SKIC3: variants seen among roughly 807,000 people sequenced by gnomAD.
SKIC3 encodes the protein SKI3 subunit of superkiller complex, also known as superkiller complex protein 3.
At chr5:95,525,768 T>A in the SKIC3 span, 11 of 1,162,338 alleles carry the variant, frequency 9.5e-6, no homozygotes, top group East Asian at 1.2e-4. Flanking sequence ...AAAAGCATGG[T>A]CCTAATAGAA....
the SKIC3 span, chr5:95,528,128 C>T: frequency 1.9e-6 from 3 of 1,613,780 alleles, no homozygotes; most frequent in East Asian, 4.5e-5. Flanking sequence ...ACCAGACGCA[C>T]CAAGATTATC....
chr5:95,509,027 A>G, the SKIC3 span, among the ~76,000 whole-genome samples: 1 of 151,904 alleles, frequency 6.6e-6, no homozygotes, highest in East Asian at 1.9e-4. Flanking sequence ...CTCTCTCTCA[A>G]TTTCTCCACC....
At chr5:95,512,872 G>A in the SKIC3 span, 2 of 423,342 alleles carry the variant, frequency 4.7e-6, no homozygotes, top group South Asian at 5.4e-5. Flanking sequence ...CTTGCCTGAT[G>A]GGCTGGCTTT....
At chr5:95,464,429 A>T in the SKIC3 span, 1 of 544,904 alleles carries the variant, frequency 1.8e-6, no homozygotes, top group Non-Finnish European at 3.2e-6. Flanking sequence ...TCAGATTAAA[A>T]TCAGGTTTGG....
At chr5:95,520,517 A>G in the SKIC3 span, among the ~76,000 whole-genome samples, 2 of 147,146 alleles carry the variant, frequency 1.4e-5, no homozygotes, top group African/African-American at 5.1e-5. Context: ...CACTACTAAG[A>G]GCAGAAGAAA....
At chr5:95,501,704 G>GTA in the SKIC3 span, among the ~76,000 whole-genome samples, 472 of 151,584 alleles carry the variant, frequency 3.1e-3, 4 homozygotes, top group Middle Eastern at 0.01. Flanking sequence ...AAAAAAGATT[G>GTA]TATATATATA....
At chr5:95,484,911 T>C in the SKIC3 span, 6 of 1,562,276 alleles carry the variant, frequency 3.8e-6, no homozygotes, top group South Asian at 1.1e-5. Context: ...GAGGAGTAAC[T>C]GGTTGCTAAA....
At chr5:95,503,705 A>T in the SKIC3 span, 1 of 1,517,268 alleles carries the variant, frequency 6.6e-7, no homozygotes, top group Non-Finnish European at 9.1e-7. Context: ...AGATTTTAAT[A>T]AACATTGCAA....
At chr5:95,516,862 G>A in the SKIC3 span, 9 of 1,557,924 alleles carry the variant, frequency 5.8e-6, no homozygotes, top group Admixed American at 1.9e-5. Flanking sequence ...AAACAACTTC[G>A]AGAAAAGCAT....
the SKIC3 span, among the ~76,000 whole-genome samples, chr5:95,510,481 C>A: frequency 3.9e-5 from 6 of 152,178 alleles, no homozygotes; most frequent in South Asian, 1.2e-3. Context: ...AAGATTCTGA[C>A]CCTCCCCAAA....
At chr5:95,498,549 C>G in the SKIC3 span, 1 of 1,614,054 alleles carries the variant, frequency 6.2e-7, no homozygotes, top group East Asian at 2.2e-5. Context: ...CTAGAGCACA[C>G]AGGGCTTGAA....
chr5:95,553,698 TAC>T, the SKIC3 span, among the ~76,000 whole-genome samples: 11 of 152,210 alleles, frequency 7.2e-5, no homozygotes, highest in African/African-American at 2.4e-4. Flanking sequence ...TAGCTGGGAT[TAC>T]AGGCGCCCGC....
At chr5:95,491,569 A>G in the SKIC3 span, among the ~76,000 whole-genome samples, 2 of 152,196 alleles carry the variant, frequency 1.3e-5, no homozygotes, top group Non-Finnish European at 2.9e-5. Flanking sequence ...TCCCTCATTC[A>G]TTTGATCTTT....
the SKIC3 span, chr5:95,546,966 G>T: frequency 1.6e-6 from 2 of 1,273,278 alleles, no homozygotes; most frequent in Non-Finnish European, 2.3e-6. Context: ...TACCACTTTT[G>T]CTGTTTGGAC....
At chr5:95,482,611 A>C in the SKIC3 span, 1 of 1,613,984 alleles carries the variant, frequency 6.2e-7, no homozygotes, top group Non-Finnish European at 8.5e-7. Flanking sequence ...CGGCTGGCTG[A>C]TCAGGGTTAC....
chr5:95,516,251 G>A, the SKIC3 span: 6 of 1,214,444 alleles, frequency 4.9e-6, no homozygotes, highest in South Asian at 1.3e-5. Flanking sequence ...GCTAGATAAC[G>A]ATGTGCAAAA....
the SKIC3 span, among the ~76,000 whole-genome samples, chr5:95,481,326 TA>T: frequency 4.6e-5 from 7 of 152,038 alleles, no homozygotes; most frequent in Non-Finnish European, 8.8e-5. Flanking sequence ...CTGATAGTTT[TA>T]AAAAGGGGAG....
chr5:95,504,937 G>T, the SKIC3 span, among the ~76,000 whole-genome samples: 1 of 151,814 alleles, frequency 6.6e-6, no homozygotes. Context: ...CCCGGGAGGC[G>T]GAGGTTGCAA....
At chr5:95,519,742 C>T in the SKIC3 span, among the ~76,000 whole-genome samples, 3 of 151,828 alleles carry the variant, frequency 2.0e-5, no homozygotes, top group African/African-American at 7.3e-5. Context: ...TTTTATATGC[C>T]ACCTTCTAAT....
Sources: gnomAD v4.1 joint callset for allele counts (sites outside exome capture counted in the v4.1 genomes callset) on GRCh38, gnomAD v4.1.1 for gene constraint, MANE v1.5 for transcripts, NCBI Gene and HGNC (gene_info 2026-07-23, HGNC 2026-07-21) for gene names.